RETREG1: variants seen among roughly 807,000 people sequenced by gnomAD.
The protein encoded by RETREG1 is reticulophagy regulator 1.
A neutral mutation model predicts 54.8 loss-of-function variants in RETREG1; 44 were observed. The observed-to-expected ratio is 0.80, with a 90% CI of 0.63 to 1.03. The LOEUF (loss-of-function observed/expected upper bound fraction) is 1.03. RETREG1 is among the 50% of genes least tolerant of loss of function. The pLI is 0.00. For missense variants in RETREG1, 554 were observed against 605.1 expected, an observed-to-expected ratio of 0.92 and a Z score of 0.89; for synonymous variants, 217 against 238.5, an observed-to-expected ratio of 0.91 and a Z score of 0.83.
At chr5:16,519,131 C>G (rs1392097080) in intron 3 of RETREG1, among the ~76,000 whole-genome samples, 2 of 152,250 alleles carry the variant, frequency 1.3e-5, no homozygotes, top group East Asian at 3.9e-4. Flanking sequence ...TAATGACAAT[C>G]TGACGAATGA....
At chr5:16,599,785 T>C (rs1743002153) in intron 1 of RETREG1, among the ~76,000 whole-genome samples, 1 of 152,132 alleles carries the variant, frequency 6.6e-6, no homozygotes, top group Non-Finnish European at 1.5e-5. Context: ...GTAAAAATAC[T>C]GACAAAGATA....
chr5:16,554,666 C>T (rs572968658), intron 3 of RETREG1, among the ~76,000 whole-genome samples: 6 of 152,248 alleles, frequency 3.9e-5, no homozygotes, highest in African/African-American at 9.6e-5. Flanking sequence ...TACCTCACTG[C>T]GCTTACTTTA....
chr5:16,613,506 CA>C (rs1404803113), intron 1 of RETREG1, among the ~76,000 whole-genome samples: 1 of 152,184 alleles, frequency 6.6e-6, no homozygotes, highest in African/African-American at 2.4e-5. Flanking sequence ...TAGTTATACC[CA>C]TTGGTTACGG....
At chr5:16,547,344 C>G (rs182539977) in intron 3 of RETREG1, among the ~76,000 whole-genome samples, 35 of 152,242 alleles carry the variant, frequency 2.3e-4, no homozygotes, top group Non-Finnish European at 3.7e-4. Context: ...CTATTTTATC[C>G]GAGGAAAACA....
chr5:16,499,946 G>C (rs1739632982), intron 3 of RETREG1, among the ~76,000 whole-genome samples: 1 of 152,190 alleles, frequency 6.6e-6, no homozygotes, highest in African/African-American at 2.4e-5. Context: ...GGGCCACAGA[G>C]CAACATCTTT....
intron 3 of RETREG1, among the ~76,000 whole-genome samples, chr5:16,549,892 G>C (rs901129188): frequency 6.6e-6 from 1 of 152,256 alleles, no homozygotes; most frequent in South Asian, 2.1e-4. Flanking sequence ...TTCTGTGTTC[G>C]TGAAAATATG....
In RETREG1 at chr5:16,526,473, G is replaced by T. The variant is rs562713710; in HGVS notation, c.458+39290C>A. The stretch of plus-strand genomic sequence containing the variant: ...CCCAAGCATTACATGGGAAAAGGTG[G>T]ACTCAAAAAGAGATGTTTCAGGAAT... On this transcript the variant is annotated intron_variant, in intron 3 of 8. Coordinates refer to ENST00000306320, the MANE Select transcript of RETREG1 (RefSeq NM_001034850.3). Among the ~76,000 whole-genome samples the T allele has an allele frequency of 1.1e-4, 17 of 152,286 alleles. No individual in the cohort carries two copies. The South Asian group carries it at 3.5e-3, about 32-fold the overall frequency.
intron 1 of RETREG1, among the ~76,000 whole-genome samples, chr5:16,613,785 G>C (rs1477685014): frequency 3.3e-5 from 5 of 152,076 alleles, no homozygotes; most frequent in Non-Finnish European, 7.4e-5. Flanking sequence ...CAGTGCTTTA[G>C]AGTTCCCAAG....
intron 3 of RETREG1, among the ~76,000 whole-genome samples, chr5:16,501,234 G>A (rs1369564455): frequency 6.6e-6 from 1 of 152,072 alleles, no homozygotes; most frequent in Admixed American, 6.5e-5. Flanking sequence ...TGCCCATTTT[G>A]CTGATGACAA....
chr5:16,592,874 CA>C (rs1422521844), intron 1 of RETREG1, among the ~76,000 whole-genome samples: 2 of 152,056 alleles, frequency 1.3e-5, no homozygotes, highest in Non-Finnish European at 2.9e-5. Context: ...AGGGGAACAA[CA>C]GACACTGGGC....
chr5:16,498,875 T>A (rs1739581100), intron 3 of RETREG1, among the ~76,000 whole-genome samples: 2 of 152,340 alleles, frequency 1.3e-5, no homozygotes, highest in African/African-American at 2.4e-5. Context: ...GTACACTTAT[T>A]GAGTTAAATT....
intron 3 of RETREG1, among the ~76,000 whole-genome samples, chr5:16,542,436 G>A (rs1292680486): frequency 1.3e-5 from 2 of 151,226 alleles, no homozygotes; most frequent in South Asian, 2.1e-4. Context: ...GTCAATAGAC[G>A]ATAGTCAATA....
chr5:16,512,974 C>T (rs1241668458), intron 3 of RETREG1, among the ~76,000 whole-genome samples: 2 of 151,914 alleles, frequency 1.3e-5, no homozygotes, highest in African/African-American at 2.4e-5. Context: ...GCCCATTGAT[C>T]TCTCGCAGCA....
chr5:16,604,994 G>T (rs914426147), intron 1 of RETREG1, among the ~76,000 whole-genome samples: 7 of 152,058 alleles, frequency 4.6e-5, no homozygotes, highest in Non-Finnish European at 1.0e-4. Context: ...ACTAAAACTA[G>T]TACTACTCCA....
chr5:16,585,107 T>C lies in RETREG1; in HGVS notation c.321-13005A>G, dbSNP rs1742593539. Among the ~76,000 whole-genome samples, 1 of 152,118 alleles carries C rather than the reference T, an allele frequency of 6.6e-6. No individual in the cohort carries two copies. Among genetic ancestry groups the C allele is most frequent in the Admixed American group, 6.5e-5 (1 of 15,274 alleles). On this transcript the variant is annotated intron_variant, in intron 1 of 8. Coordinates refer to ENST00000306320, the MANE Select transcript of RETREG1 (RefSeq NM_001034850.3). The surrounding 1 kb of genome is among the most constrained non-coding windows in gnomAD (Gnocchi z 4.5). ...TAAAGAGATGAGAAATTCTGGAAGA[T>C]ATCAATCACAGGGAAATGGTGGGTA...
At chr5:16,516,168 T>TA (rs34138901) in intron 3 of RETREG1, among the ~76,000 whole-genome samples, 40,391 of 151,942 alleles carry the variant, frequency 0.27, 5,707 homozygotes, top group East Asian at 0.4. Context: ...ATACTACTTA[T>TA]AAAATACACA....
At chr5:16,569,912 A>G (rs1742127673) in intron 2 of RETREG1, among the ~76,000 whole-genome samples, 1 of 152,274 alleles carries the variant, frequency 6.6e-6, no homozygotes, top group Non-Finnish European at 1.5e-5. Context: ...GATTGCAGTG[A>G]TGCGGCTGCA....
At chr5:16,600,525 C>A (rs897226625) in intron 1 of RETREG1, among the ~76,000 whole-genome samples, 5 of 152,278 alleles carry the variant, frequency 3.3e-5, no homozygotes, top group Non-Finnish European at 4.4e-5. Context: ...TGATGGGGAC[C>A]CCCACGTGTT....
At chr5:16,497,824 G>C (rs1209808679) in intron 3 of RETREG1, among the ~76,000 whole-genome samples, 1 of 152,106 alleles carries the variant, frequency 6.6e-6, no homozygotes, top group Non-Finnish European at 1.5e-5. Context: ...CAGTTTATAG[G>C]AGTTGGCATG....
Sources: gnomAD v4.1 joint callset for allele counts (sites outside exome capture counted in the v4.1 genomes callset) on GRCh38, gnomAD v4.1.1 for gene constraint, Gnocchi (gnomAD v3.1) non-coding constraint, MANE v1.5 for transcripts, NCBI Gene and HGNC (gene_info 2026-07-23, HGNC 2026-07-21) for gene names.